Variants in PFAS observed in about 807,000 individuals in gnomAD.
PFAS encodes FGAM synthase.
PFAS carries 97 observed loss-of-function variants against 140.6 expected under a neutral mutation model. The ratio of observed to expected loss-of-function variants is 0.69; its 90% CI spans 0.59 to 0.82. PFAS has a LOEUF of 0.82. Among genes scored for constraint, PFAS ranks in the 40% least tolerant of loss-of-function variants. The probability of loss-of-function intolerance (pLI) is 0.00; values close to 1 mark genes in which losing one functional copy is unlikely to be tolerated. For synonymous variants in PFAS, 679 were observed against 718.8 expected (o/e 0.94, Z 0.88); for missense variants, 1,656 against 1,780.2 (o/e 0.93, Z 1.26).
At chr17:8,268,022 T>G (rs1440546062) in intron 26 of PFAS, among the ~76,000 whole-genome samples, 1 of 131,752 alleles carries the variant, frequency 7.6e-6, no homozygotes, top group Non-Finnish European at 1.6e-5. Flanking sequence ...ATATTATTTA[T>G]ATATTATTAA....
intron 1 of PFAS, among the ~76,000 whole-genome samples, chr17:8,250,327 T>C (rs1202862455): frequency 6.6e-6 from 1 of 152,188 alleles, no homozygotes; most frequent in Non-Finnish European, 1.5e-5. Flanking sequence ...ATTGTGGTTA[T>C]GCAGTGGTCA....
Position 8,267,428 on chromosome 17 carries a change from G to C in PFAS, c.3232G>C (p.Glu1078Gln). Residue 1078 changes from glutamate (E) to glutamine (Q), a missense_variant, in exon 25 of 28, where the codon GAG becomes CAG. Coordinates refer to ENST00000314666, the MANE Select transcript of PFAS (RefSeq NM_012393.3). This position sits in a 1 kb window ranked among gnomAD's most constrained non-coding sequence, Gnocchi z 4.9. ...LREEGSNGDR[E>Q]MADAFHLAGF... ...AGAGGAGGGCAGTAATGGAGACCGG[G>C]AGATGGCCGATGCCTTCCACTTAGC... 6.2e-7 allele frequency: 1 copy of C among 1,614,180 alleles called. No individual in the cohort carries two copies. Among genetic ancestry groups the C allele is most frequent in the Middle Eastern group, 1.6e-4 (1 of 6,062 alleles).
In PFAS at chr17:8,267,468, G is replaced by A. The variant is rs138609544; in HGVS notation, c.3267+5G>A. On this transcript the variant is annotated splice_donor_5th_base_variant and intron_variant, in intron 25 of 27. Coordinates refer to ENST00000314666, the MANE Select transcript of PFAS (RefSeq NM_012393.3). This position sits in a 1 kb window ranked among gnomAD's most constrained non-coding sequence, Gnocchi z 4.9. ...TTCCACTTAGCTGGGTTTGAGGTGAGCAGGGTAGGGGGCAGCTGGGGGTGA... is the reference window on the plus strand; with the variant it reads ...TTCCACTTAGCTGGGTTTGAGGTGAACAGGGTAGGGGGCAGCTGGGGGTGA... The A allele has an allele frequency of 6.8e-5, 109 of 1,612,934 alleles. No individual in the cohort carries two copies. In the African/African-American group the frequency reaches 8.0e-4, roughly 12 times the overall value.
At chr17:8,260,632 T>G (rs1486391726) in intron 11 of PFAS, among the ~76,000 whole-genome samples, 1 of 152,212 alleles carries the variant, frequency 6.6e-6, no homozygotes, top group African/African-American at 2.4e-5. Context: ...TTGTTTTGGT[T>G]TGGTTTTTTT....
upstream of PFAS, chr17:8,248,017 T>C (rs1350490970): frequency 4.4e-6 from 6 of 1,356,914 alleles, no homozygotes; most frequent in East Asian, 9.2e-5. Flanking sequence ...GGAAGGGACC[T>C]GGGCCCGGCC....
At chr17:8,247,909 C>A, upstream of PFAS, 1 of 1,345,914 alleles carries the variant, frequency 7.4e-7, no homozygotes, top group African/African-American at 1.4e-5. Flanking sequence ...ACGCGGCCAG[C>A]GAGCCCAGAG....
Position 8,255,672 on chromosome 17 carries a change from G to A in PFAS, c.555G>A (p.Glu185=), listed in dbSNP as rs1373845694. 6.3e-7 allele frequency: 1 copy of A among 1,583,506 alleles called. No homozygotes were observed. Among genetic ancestry groups the A allele is most frequent in the Non-Finnish European group, 8.6e-7 (1 of 1,166,846 alleles). ...NILGEGRLAL[E]KANQELGLAL... ...TGGGTGAGGGCCGGCTTGCGCTGGA[G>A]AAGGCCAACCAGGAGCTTGGTGAGT... Residue 185 remains glutamate, a synonymous_variant, in exon 5 of 28, where the codon GAG becomes GAA. Coordinates refer to ENST00000314666, the MANE Select transcript of PFAS (RefSeq NM_012393.3).
At chr17:8,258,301 A>G in intron 11 of PFAS, 102 bp downstream of exon 11, 3 of 1,266,182 alleles carry the variant, frequency 2.4e-6, no homozygotes, top group African/African-American at 1.5e-5. Context: ...TTAGTTTTTA[A>G]TATGTTGGCT....
At chr17:8,264,101 A>G (rs558080666) in intron 15 of PFAS, 111 bp from the exon 16 acceptor site, 11 of 1,514,474 alleles carry the variant, frequency 7.3e-6, no homozygotes, top group Non-Finnish European at 1.0e-5. Context: ...GGGACTCAAT[A>G]TGGAAACCAA....
At chr17:8,248,352 G>T (rs192585995), upstream of PFAS, among the ~76,000 whole-genome samples, 1,231 of 142,690 alleles carry the variant, frequency 8.6e-3, 19 homozygotes, top group African/African-American at 0.03. Context: ...GGGATTTTCC[G>T]GCCTCAGCCT....
chr17:8,266,602 C>T lies in PFAS; in HGVS notation c.2822-151C>T. 6.8e-7 allele frequency: 1 copy of T among 1,478,642 alleles called. No homozygotes were observed. Among genetic ancestry groups the T allele is most frequent in the Non-Finnish European group, 8.9e-7 (1 of 1,121,536 alleles). 91.6% of individuals were successfully genotyped at this position (1,478,642 alleles called of 1,614,324 possible). ...CCATGATGAAACATCCTCAGTCCTGCCGTCCTAGCCCTCATCCTCCCTGAT... is the reference window on the plus strand; with the variant it reads ...CCATGATGAAACATCCTCAGTCCTGTCGTCCTAGCCCTCATCCTCCCTGAT... On this transcript the variant is annotated intron_variant, in intron 22 of 27. Coordinates refer to ENST00000314666, the MANE Select transcript of PFAS (RefSeq NM_012393.3). This position sits in a 1 kb window ranked among gnomAD's most constrained non-coding sequence, Gnocchi z 5.0.
chr17:8,257,353 A>G (rs1450095572), intron 9 of PFAS, among the ~76,000 whole-genome samples: 3 of 151,894 alleles, frequency 2.0e-5, no homozygotes, highest in African/African-American at 4.8e-5. Context: ...TCAGGAGATC[A>G]AAACCATCCT....
At chr17:8,251,014 G>A (rs1160377463) in intron 1 of PFAS, among the ~76,000 whole-genome samples, 3 of 151,274 alleles carry the variant, frequency 2.0e-5, no homozygotes, top group African/African-American at 4.9e-5. Context: ...TCTGCCTGGC[G>A]CAGTCGCTCA....
chr17:8,261,726 T>C (rs1174238915), intron 11 of PFAS, among the ~76,000 whole-genome samples: 1 of 151,790 alleles, frequency 6.6e-6, no homozygotes, highest in Non-Finnish European at 1.5e-5. Context: ...TCCTCCCACC[T>C]TAGCCTCCTG....
chr17:8,263,640 G>C lies in PFAS; in HGVS notation c.1629+4G>C. 6.2e-7 allele frequency: 1 copy of C among 1,613,582 alleles called. No homozygotes were observed. Among genetic ancestry groups the C allele is most frequent in the Non-Finnish European group, 8.5e-7 (1 of 1,179,562 alleles). ...CATTTACACCAGCCGCTTCCAGGTG[G>C]GTCTCGTCCCCTGAAGTGTGACATT... On this transcript the variant is annotated splice_donor_region_variant and intron_variant, in intron 14 of 27. Coordinates refer to ENST00000314666, the MANE Select transcript of PFAS (RefSeq NM_012393.3).
Position 8,266,017 on chromosome 17 carries a change from G to A in PFAS, c.2701G>A (p.Asp901Asn). Reference protein sequence around the residue: ...AFSITQGLLKDRLLCSGHDVS... With the variant: ...AFSITQGLLKNRLLCSGHDVS... The stretch of plus-strand genomic sequence containing the variant: ...CAGCATCACTCAGGGGCTGCTGAAA[G>A]GTGAGTGAAGACCCCTGGGGAGATA... The change falls in exon 21 of 28, where the codon GAC becomes AAC. Residue 901 changes from aspartate (D) to asparagine (N), a missense_variant and splice_region_variant. Transcript: ENST00000314666. This position sits in a 1 kb window ranked among gnomAD's most constrained non-coding sequence, Gnocchi z 5.0. The A allele has an allele frequency of 6.2e-7, 1 of 1,603,570 alleles. No individual in the cohort carries two copies. The highest frequency in any genetic ancestry group is 8.5e-7 in the Non-Finnish European group (1 of 1,174,510).
intron 1 of PFAS, among the ~76,000 whole-genome samples, chr17:8,252,295 AAAAAAG>A (rs1281304545): frequency 6.6e-6 from 1 of 152,076 alleles, no homozygotes; most frequent in Non-Finnish European, 1.5e-5. Context: ...CCATCTCAAA[AAAAAAG>A]AAAAAGAAAA....
At chr17:8,247,711 G>A, upstream of PFAS, 1 of 400,038 alleles carries the variant, frequency 2.5e-6, no homozygotes, top group South Asian at 3.1e-5. Context: ...GTCTTCTCCA[G>A]GAACCCACAG....
chr17:8,264,856 T>C lies in PFAS; in HGVS notation c.2050-39T>C, dbSNP rs1449178136. The C allele has an allele frequency of 2.8e-6, 4 of 1,404,804 alleles. No homozygotes were observed. In the African/African-American group the frequency reaches 5.7e-5, roughly 20 times the overall value. 87.0% of individuals were successfully genotyped at this position (1,404,804 alleles called of 1,614,324 possible). On this transcript the variant is annotated intron_variant, in intron 17 of 27. Transcript: ENST00000314666. ...CATGTGCGGGAGCTCAGGCTGTCCC[T>C]GTCCCTTGCTCTCTTGCTAACCCCA...
Sources: allele counts gnomAD v4.1 joint callset (sites outside exome capture counted in the v4.1 genomes callset), GRCh38; gene constraint gnomAD v4.1.1; non-coding constraint Gnocchi (gnomAD v3.1); transcripts MANE v1.5; gene names NCBI Gene and HGNC (gene_info 2026-07-23, HGNC 2026-07-21).